Variants in CERS6 observed in about 807,000 individuals in gnomAD.
CERS6 encodes the protein LAG1 homolog, ceramide synthase 6.
A neutral mutation model predicts 56.8 loss-of-function variants in CERS6; 26 were observed. The ratio of observed to expected loss-of-function variants is 0.46; its 90% CI spans 0.34 to 0.63. The LOEUF is 0.63. Ranked by LOEUF, CERS6 falls within the 30% of genes least tolerant of loss-of-function variation. The pLI, the probability that CERS6 is intolerant of heterozygous loss-of-function variation, is 0.01. For synonymous variants in CERS6, 164 were observed against 173.3 expected, an observed-to-expected ratio of 0.95 and a Z score of 0.42; for missense variants, 415 against 467.5, an observed-to-expected ratio of 0.89 and a Z score of 1.04.
chr2:168,543,628 C>A (rs1558991090), intron 1 of CERS6, among the ~76,000 whole-genome samples: 1 of 152,044 alleles, frequency 6.6e-6, no homozygotes. Context: ...TTTATATTTT[C>A]ATATAATCAG....
chr2:168,614,615 AC>A (rs1174992183), intron 3 of CERS6, among the ~76,000 whole-genome samples: 1 of 152,074 alleles, frequency 6.6e-6, no homozygotes, highest in Non-Finnish European at 1.5e-5. Context: ...CACTTCCCTG[AC>A]CAACCTGCAT....
intron 4 of CERS6, among the ~76,000 whole-genome samples, chr2:168,664,922 C>T (rs1395089185): frequency 1.3e-5 from 2 of 152,186 alleles, no homozygotes; most frequent in Admixed American, 6.5e-5. Flanking sequence ...CTGGTTCACA[C>T]GCCTCTGACA....
intron 3 of CERS6, among the ~76,000 whole-genome samples, chr2:168,594,866 A>G (rs6719658): frequency 1 from 151,643 of 152,352 alleles, 75,471 homozygotes; most frequent in East Asian, 1. Context: ...ATGTATCTTA[A>G]TGTTTGTTTT....
chr2:168,672,613 A>G (rs572801210), intron 4 of CERS6, among the ~76,000 whole-genome samples: 1 of 152,342 alleles, frequency 6.6e-6, no homozygotes, highest in South Asian at 2.1e-4. Flanking sequence ...AAATGGAGAA[A>G]TAACTTGAGA....
At chr2:168,724,108 T>C (rs1463761143) in intron 8 of CERS6, among the ~76,000 whole-genome samples, 1 of 152,126 alleles carries the variant, frequency 6.6e-6, no homozygotes, top group African/African-American at 2.4e-5. Flanking sequence ...ATCTGGAGTC[T>C]GTCCCTTCTG....
Position 168,770,915 on chromosome 2 carries a change from C to T in CERS6, c.*1253C>T, listed in dbSNP as rs562096778. 63 of 152,148 alleles carry T rather than the reference C, an allele frequency of 4.1e-4. No individual in the cohort carries two copies. Among genetic ancestry groups the T allele is most frequent in the African/African-American group, 1.5e-3 (63 of 41,516 alleles). The allele number at this position is 152,148 out of a possible 1,614,324, so 9.4% of individuals were successfully genotyped here. On this transcript the variant is annotated 3_prime_UTR_variant, in exon 10 of 10. Coordinates refer to ENST00000305747, the MANE Select transcript of CERS6 (RefSeq NM_203463.3). The stretch of plus-strand genomic sequence containing the variant: ...TGGAAAAATGAAAAATTCTATTGGA[C>T]AATGGCAATATCAACAATGAGGAAA...
At chr2:168,497,375 ATAAAT>A (rs759407816) in intron 1 of CERS6, among the ~76,000 whole-genome samples, 3 of 152,206 alleles carry the variant, frequency 2.0e-5, no homozygotes, top group Non-Finnish European at 2.9e-5. Context: ...ACAGCAATAA[ATAAAT>A]AAATAAATAG....
At chr2:168,554,682 T>A (rs1004474366) in intron 2 of CERS6, among the ~76,000 whole-genome samples, 3 of 152,176 alleles carry the variant, frequency 2.0e-5, no homozygotes. Flanking sequence ...CAGGGAACTT[T>A]GTTACAGCAG....
chr2:168,611,533 T>A (rs1270623410), intron 3 of CERS6, among the ~76,000 whole-genome samples: 3 of 152,202 alleles, frequency 2.0e-5, no homozygotes, highest in African/African-American at 7.2e-5. Context: ...ATAAACATAC[T>A]TACTTTGTTC....
intron 3 of CERS6, among the ~76,000 whole-genome samples, chr2:168,618,473 T>C (rs1684372979): frequency 6.6e-6 from 1 of 152,140 alleles, no homozygotes; most frequent in Non-Finnish European, 1.5e-5. Context: ...ATTATATACC[T>C]GGAAAACCCT....
chr2:168,606,728 T>C (rs955174807), intron 3 of CERS6, among the ~76,000 whole-genome samples: 3 of 152,192 alleles, frequency 2.0e-5, no homozygotes, highest in Admixed American at 6.5e-5. Context: ...CATACTGATA[T>C]GTAATCCCCA....
intron 4 of CERS6, among the ~76,000 whole-genome samples, chr2:168,679,254 G>T (rs1007874687): frequency 6.6e-5 from 10 of 152,142 alleles, no homozygotes; most frequent in African/African-American, 2.4e-4. Context: ...GGGCTCTATT[G>T]CAAAATAGGG....
chr2:168,705,061 A>G (rs1166468689), intron 6 of CERS6, among the ~76,000 whole-genome samples: 4 of 152,188 alleles, frequency 2.6e-5, no homozygotes, highest in African/African-American at 9.6e-5. Context: ...GCAACCTGCT[A>G]TGGTAGTTAG....
chr2:168,692,738 TA>T (rs1299070918), intron 5 of CERS6, among the ~76,000 whole-genome samples: 1 of 152,124 alleles, frequency 6.6e-6, no homozygotes, highest in East Asian at 1.9e-4. Flanking sequence ...TAATAAAGAA[TA>T]TTAGCTGATT....
At chr2:168,759,858 T>C (rs997848005) in intron 8 of CERS6, among the ~76,000 whole-genome samples, 3 of 151,872 alleles carry the variant, frequency 2.0e-5, no homozygotes, top group African/African-American at 7.2e-5. Context: ...ACCCTGATAT[T>C]ATAGTAATTA....
intron 8 of CERS6, among the ~76,000 whole-genome samples, chr2:168,743,851 G>A (rs1389728563): frequency 6.6e-6 from 1 of 151,980 alleles, no homozygotes; most frequent in Non-Finnish European, 1.5e-5. Flanking sequence ...CATACAGTGG[G>A]CCACAAAATT....
rs61031993 is a variant in CERS6, at chr2:168,559,733, T to TTATA, written c.277-1459_277-1458insTATA. On this transcript the variant is annotated intron_variant, in intron 2 of 9. Transcript: ENST00000305747. The stretch of plus-strand genomic sequence containing the variant: ...TGCTTGAGCTGCTTTTAGAAAGGTA[T>TTATA]CATATATATATATATATATATTTCA... 6.9e-3 allele frequency among the ~76,000 whole-genome samples: 459 copies of TTATA among 66,186 alleles called. 96 individuals carry two copies. Among genetic ancestry groups the TTATA allele is most frequent in the Middle Eastern group, 0.021 (2 of 94 alleles). 43.4% of individuals were successfully genotyped at this position (66,186 alleles called of 152,430 possible). A position where few individuals can be genotyped will look rare whatever the true frequency, so the allele number is the denominator to read the frequency against.
intron 6 of CERS6, among the ~76,000 whole-genome samples, chr2:168,696,756 A>G (rs919448809): frequency 2.0e-5 from 3 of 152,162 alleles, no homozygotes; most frequent in African/African-American, 7.2e-5. Context: ...TCCCATTCAC[A>G]AGGGCTTCTG....
chr2:168,753,873 C>T (rs907347015), intron 8 of CERS6, among the ~76,000 whole-genome samples: 2 of 152,204 alleles, frequency 1.3e-5, no homozygotes, highest in Non-Finnish European at 2.9e-5. Context: ...GGAGAAATTT[C>T]TTACACTCTA....
Sources: allele counts gnomAD v4.1 joint callset (sites outside exome capture counted in the v4.1 genomes callset), GRCh38; gene constraint gnomAD v4.1.1; transcripts MANE v1.5; gene names NCBI Gene and HGNC (gene_info 2026-07-23, HGNC 2026-07-21).